Variants in AP1AR observed in about 807,000 individuals in gnomAD.
The protein encoded by AP1AR is AP-1 complex-associated regulatory protein.
AP1AR carries 29 observed loss-of-function variants against 46.3 expected under a neutral mutation model. That is an observed-to-expected ratio of 0.63 (90% CI 0.47 to 0.85). The LOEUF (loss-of-function observed/expected upper bound fraction) is 0.85. Among genes scored for constraint, AP1AR ranks in the 40% least tolerant of loss-of-function variants. AP1AR has a pLI of 0.00. For missense variants in AP1AR, 357 were observed against 356.3 expected (o/e 1.00, Z -0.02); for synonymous variants, 122 against 122.9 (o/e 0.99, Z 0.05).
At chr4:112,263,988 A>G (rs1400083418) in intron 6 of AP1AR, among the ~76,000 whole-genome samples, 2 of 152,178 alleles carry the variant, frequency 1.3e-5, no homozygotes, top group Non-Finnish European at 2.9e-5. Flanking sequence ...GTCACATTGT[A>G]AAACTTAGAG....
intron 9 of AP1AR, 86 bp from the exon 10 acceptor site, chr4:112,268,058 A>T (rs958758287): frequency 2.8e-5 from 38 of 1,353,302 alleles, no homozygotes; most frequent in Non-Finnish European, 3.4e-5. Flanking sequence ...ATAGTTAAAT[A>T]AAAACTACAT....
At chr4:112,249,917 G>A (rs994561261) in intron 1 of AP1AR, among the ~76,000 whole-genome samples, 1 of 152,180 alleles carries the variant, frequency 6.6e-6, no homozygotes, top group Non-Finnish European at 1.5e-5. Flanking sequence ...ATCATCTGAT[G>A]CATTTATCTA....
At chr4:112,257,723 G>T (rs1399864033) in intron 3 of AP1AR, 49 bp from the exon 4 acceptor site, 2 of 1,399,248 alleles carry the variant, frequency 1.4e-6, no homozygotes, top group East Asian at 2.6e-5. Flanking sequence ...ACTTTAAATA[G>T]AATTTAGCTA....
intron 3 of AP1AR, among the ~76,000 whole-genome samples, chr4:112,257,403 A>G (rs1207441992): frequency 1.3e-5 from 2 of 152,184 alleles, no homozygotes; most frequent in East Asian, 1.9e-4. Context: ...TAGAAACTGC[A>G]AAAAAATGAG....
intron 3 of AP1AR, 109 bp from the exon 4 acceptor site, chr4:112,257,663 A>G (rs1275466935): frequency 1.3e-6 from 1 of 785,912 alleles, no homozygotes; most frequent in East Asian, 3.0e-5. Context: ...TACTCTGATA[A>G]AAAATGGGTA....
chr4:112,252,030 C>G (rs1269265520), intron 1 of AP1AR, among the ~76,000 whole-genome samples: 1 of 152,030 alleles, frequency 6.6e-6, no homozygotes, highest in African/African-American at 2.4e-5. Context: ...ATTACTTGAG[C>G]CCAAGAATTT....
intron 1 of AP1AR, among the ~76,000 whole-genome samples, chr4:112,237,677 T>C (rs1175938626): frequency 6.6e-6 from 1 of 151,800 alleles, no homozygotes; most frequent in Non-Finnish European, 1.5e-5. Context: ...CATGCTGGTC[T>C]CGAACTCCTG....
intron 1 of AP1AR, among the ~76,000 whole-genome samples, chr4:112,236,417 C>G (rs1339106388): frequency 6.9e-6 from 1 of 145,886 alleles, no homozygotes; most frequent in Non-Finnish European, 1.5e-5. Flanking sequence ...TTTTTTTCCC[C>G]CAAAAAGGAG....
intron 6 of AP1AR, among the ~76,000 whole-genome samples, 160 bp downstream of exon 6, chr4:112,263,246 T>G (rs928248168): frequency 2.0e-5 from 3 of 152,224 alleles, no homozygotes; most frequent in Non-Finnish European, 4.4e-5. Context: ...GGCAAATTAG[T>G]CAGTCATTAA....
intron 3 of AP1AR, among the ~76,000 whole-genome samples, chr4:112,256,947 A>T (rs1486750538): frequency 6.6e-6 from 1 of 152,228 alleles, no homozygotes; most frequent in Non-Finnish European, 1.5e-5. Context: ...AGCCTCATTC[A>T]ATGTGCGTTT....
chr4:112,263,185 T>C lies in AP1AR; in HGVS notation c.381+99T>C. On this transcript the variant is annotated intron_variant, in intron 6 of 9. Coordinates refer to ENST00000274000, the MANE Select transcript of AP1AR (RefSeq NM_018569.6). ...CTCTTTTTTTCCTATTCTCAAGGAC[T>C]TCTTGTTTAACAACGAATGTGTTTA... 12 of 892,574 alleles carry C rather than the reference T, an allele frequency of 1.3e-5. 1 individual carries two copies. The South Asian group carries it at 2.1e-4, about 15-fold the overall frequency. The allele number at this position is 892,574 out of a possible 1,614,324, so 55.3% of individuals were successfully genotyped here.
rs75324710 is a variant in AP1AR at position 112,256,681 on chromosome 4, A to G, written c.160-1091A>G. Among the ~76,000 whole-genome samples the G allele has an allele frequency of 6.7e-3, 1,018 of 152,364 alleles. 8 individuals are homozygous for G. The highest frequency in any genetic ancestry group is 0.023 in the African/African-American group (956 of 41,592). ...TGCTATTATATTTTAACTTTCAGTT[A>G]TGAATAGTTTAAATGTGTAAGAAAT... is the stretch of plus-strand genomic sequence containing the variant. On this transcript the variant is annotated intron_variant, in intron 3 of 9. Transcript: ENST00000274000.
chr4:112,246,298 G>A (rs1313653876), intron 1 of AP1AR, among the ~76,000 whole-genome samples: 2 of 152,148 alleles, frequency 1.3e-5, no homozygotes, highest in Non-Finnish European at 2.9e-5. Context: ...TTGAGGCCAG[G>A]AGTTCGAGAC....
At chr4:112,245,180 ATC>A (rs1223654817) in intron 1 of AP1AR, among the ~76,000 whole-genome samples, 2 of 152,100 alleles carry the variant, frequency 1.3e-5, no homozygotes, top group Non-Finnish European at 2.9e-5. Flanking sequence ...TTTAGTGAAA[ATC>A]TTTTTATGAA....
chr4:112,265,184 A>G, intron 7 of AP1AR, 117 bp downstream of exon 7: 2 of 707,580 alleles, frequency 2.8e-6, no homozygotes, highest in South Asian at 6.2e-5. Flanking sequence ...TTCCCTAAAA[A>G]TTATTCCTTC....
At chr4:112,251,405 A>G (rs59385292) in intron 1 of AP1AR, among the ~76,000 whole-genome samples, 3,967 of 152,364 alleles carry the variant, frequency 0.026, 176 homozygotes, top group East Asian at 0.16. Flanking sequence ...GTGTTCTGCC[A>G]TCTAATACAA....
At chr4:112,251,151 G>A (rs1176449833) in intron 1 of AP1AR, among the ~76,000 whole-genome samples, 2 of 152,148 alleles carry the variant, frequency 1.3e-5, no homozygotes, top group Non-Finnish European at 2.9e-5. Flanking sequence ...CTCTCAGAAG[G>A]ATATTGTCTC....
intron 1 of AP1AR, among the ~76,000 whole-genome samples, chr4:112,251,007 A>G (rs1031220915): frequency 6.6e-6 from 1 of 152,198 alleles, no homozygotes; most frequent in Non-Finnish European, 1.5e-5. Flanking sequence ...TCAACTAATA[A>G]CCAAACCATG....
chr4:112,248,771 C>T (rs1322426303), intron 1 of AP1AR, among the ~76,000 whole-genome samples: 3 of 152,296 alleles, frequency 2.0e-5, no homozygotes, highest in Non-Finnish European at 4.4e-5. Context: ...CTGACCCTGG[C>T]TATCTCTCAG....
Sources: gnomAD v4.1 joint callset for allele counts (sites outside exome capture counted in the v4.1 genomes callset) on GRCh38, gnomAD v4.1.1 for gene constraint, MANE v1.5 for transcripts, NCBI Gene and HGNC (gene_info 2026-07-23, HGNC 2026-07-21) for gene names.